The following SLC8A1 variants were observed in gnomAD, a reference collection of about 807,000 sequenced individuals.
SLC8A1 encodes sodium/calcium exchanger 1.
SLC8A1 carries 18 observed loss-of-function variants against 68.3 expected under a neutral mutation model. That is an observed-to-expected ratio of 0.26 (90% CI 0.18 to 0.39). The LOEUF (loss-of-function observed/expected upper bound fraction) is 0.39, where lower values mean the gene tolerates loss of function less well. SLC8A1 is among the 10% of genes least tolerant of loss of function. The pLI, the probability that SLC8A1 is intolerant of heterozygous loss-of-function variation, is 1.00. For synonymous variants in SLC8A1, 475 were observed against 415.5 expected (o/e 1.14, Z -1.74); for missense variants, 985 against 1,156.7 (o/e 0.85, Z 2.15).
intron 2 of SLC8A1, among the ~76,000 whole-genome samples, chr2:40,381,445 A>G (rs1332188267): frequency 1.3e-5 from 2 of 152,100 alleles, no homozygotes; most frequent in South Asian, 4.2e-4. Flanking sequence ...ACATCTCTCC[A>G]TGAGTTTATG....
At chr2:40,296,268 C>T (rs149011359) in intron 2 of SLC8A1, among the ~76,000 whole-genome samples, 156 of 152,202 alleles carry the variant, frequency 1.0e-3, no homozygotes, top group African/African-American at 3.7e-3. Context: ...TAGGAGACCC[C>T]AAGAGGGAAA....
At chr2:40,225,293 T>G (rs747535000) in intron 2 of SLC8A1, among the ~76,000 whole-genome samples, 1 of 152,156 alleles carries the variant, frequency 6.6e-6, no homozygotes, top group Non-Finnish European at 1.5e-5. Flanking sequence ...ATAGTGGAAA[T>G]GATAAAATGA....
intron 1 of SLC8A1, among the ~76,000 whole-genome samples, chr2:40,475,859 C>T (rs1704271570): frequency 6.6e-6 from 1 of 152,006 alleles, no homozygotes; most frequent in Admixed American, 6.6e-5. Flanking sequence ...CCTAGATTCT[C>T]CTATTTTCAG....
chr2:40,419,728 G>A (rs186580243), intron 2 of SLC8A1, among the ~76,000 whole-genome samples: 1 of 151,932 alleles, frequency 6.6e-6, no homozygotes, highest in Admixed American at 6.6e-5. Flanking sequence ...CTTTAATTGC[G>A]CCCTAAGAAT....
chr2:40,490,818 A>G (rs930716583), intron 1 of SLC8A1, among the ~76,000 whole-genome samples: 4 of 152,144 alleles, frequency 2.6e-5, no homozygotes, highest in Non-Finnish European at 2.9e-5. Flanking sequence ...TAATGACTGA[A>G]ATCCAGTTGG....
exon 8 of SLC8A1, chr2:40,107,719 C>T (rs1277179375): frequency 6.6e-6 from 1 of 152,114 alleles, no homozygotes; most frequent in African/African-American, 2.4e-5. Context: ...CTAGGACAAT[C>T]CTAGACATAC....
intron 1 of SLC8A1, among the ~76,000 whole-genome samples, chr2:40,508,701 C>T (rs764058821): frequency 1.4e-4 from 22 of 152,062 alleles, no homozygotes; most frequent in Admixed American, 1.3e-3. Flanking sequence ...AAGAATATGC[C>T]GTCGATAAAA....
At chr2:40,414,557 G>A (rs1361633610) in intron 2 of SLC8A1, among the ~76,000 whole-genome samples, 1 of 152,028 alleles carries the variant, frequency 6.6e-6, no homozygotes, top group Non-Finnish European at 1.5e-5. Flanking sequence ...ATTCTTCAAT[G>A]TTCTTGCCTT....
rs931229684 is a variant in SLC8A1 at position 40,154,817 on chromosome 2, A to G, written c.2161+5948T>C. On this transcript the variant is annotated intron_variant, in intron 6 of 7. Transcript: ENST00000406785. Reference sequence around the variant, plus strand: ...GTAGCTGAGACTACAGGCATGCACTATCACACCCGGCTAATTTTTTATTTT... The same window carrying G: ...GTAGCTGAGACTACAGGCATGCACTGTCACACCCGGCTAATTTTTTATTTT... Among the ~76,000 whole-genome samples the G allele has an allele frequency of 4.0e-5, 6 of 151,714 alleles. No individual in the cohort carries two copies. In the South Asian group the frequency reaches 8.3e-4, roughly 21 times the overall value.
At position 40,206,401 on chromosome 2, in the gene SLC8A1, T is replaced by C. The variant is rs374212984; in HGVS notation, c.1809-28546A>G. Among the ~76,000 whole-genome samples, 9 of 152,198 alleles carry C rather than the reference T, an allele frequency of 5.9e-5. No homozygotes were observed. In the South Asian group the frequency reaches 1.2e-3, roughly 21 times the overall value. ...AAAATCCTATTAACTCAAAGAGTGA[T>C]TGCATTATTCACTCCTTACTCATTT... On this transcript the variant is annotated intron_variant, in intron 2 of 7. Transcript: ENST00000406785.
At chr2:40,133,831 A>G (rs1353141328) in intron 7 of SLC8A1, among the ~76,000 whole-genome samples, 2 of 152,172 alleles carry the variant, frequency 1.3e-5, no homozygotes, top group African/African-American at 4.8e-5. Flanking sequence ...AATCTGGGAT[A>G]TAAGCTGGAA....
chr2:40,444,292 T>C (rs537245611), intron 1 of SLC8A1, among the ~76,000 whole-genome samples: 1 of 152,288 alleles, frequency 6.6e-6, no homozygotes, highest in South Asian at 2.1e-4. Flanking sequence ...TGAGCCATGA[T>C]CATGCCACTG....
Position 40,463,036 on chromosome 2 carries a change from G to A in SLC8A1, c.-24-32732C>T, listed in dbSNP as rs77625893. On this transcript the variant is annotated intron_variant, in intron 1 of 7. Transcript: ENST00000402441. ...TGAAAAAAAAAATGGGGCTTTCATC[G>A]TGGGGAAGAAAACTAACCAAATTAC... Among the ~76,000 whole-genome samples, 638 of 152,198 alleles carry A rather than the reference G, an allele frequency of 4.2e-3. 1 individual carries two copies. The highest frequency in any genetic ancestry group is 7.4e-3 in the Non-Finnish European group (504 of 68,002).
At chr2:40,161,687 A>T (rs935233297) in intron 5 of SLC8A1, among the ~76,000 whole-genome samples, 1 of 152,232 alleles carries the variant, frequency 6.6e-6, no homozygotes, top group African/African-American at 2.4e-5. Flanking sequence ...AAGCAGATGG[A>T]CTGAAAGCAC....
chr2:40,418,156 CA>C (rs1559599843), intron 2 of SLC8A1, among the ~76,000 whole-genome samples: 1 of 152,106 alleles, frequency 6.6e-6, no homozygotes, highest in African/African-American at 2.4e-5. Context: ...ATAACAACCG[CA>C]AGATAGTTTA....
At chr2:40,176,562 C>T (rs140036680) in intron 3 of SLC8A1, among the ~76,000 whole-genome samples, 23 of 152,218 alleles carry the variant, frequency 1.5e-4, no homozygotes, top group African/African-American at 5.3e-4. Context: ...CTCCTTTTCC[C>T]ATCACTCCAA....
chr2:40,175,460 C>T (rs543568677), intron 3 of SLC8A1, among the ~76,000 whole-genome samples, 179 bp from the exon 4 acceptor site: 1 of 151,994 alleles, frequency 6.6e-6, no homozygotes, highest in African/African-American at 2.4e-5. Flanking sequence ...AATAAACAAT[C>T]CCAACTGAAA....
chr2:40,159,221 A>C lies in SLC8A1; in HGVS notation c.2161+1544T>G, dbSNP rs146657024. On this transcript the variant is annotated intron_variant, in intron 6 of 7. Coordinates refer to ENST00000406785, the Ensembl canonical transcript of SLC8A1. ...AAACTTATCATCATAAATATACTTT[A>C]CTTTAATGTATCTGTCTGATTTACT... Among the ~76,000 whole-genome samples, 172 of 152,316 alleles carry C rather than the reference A, an allele frequency of 1.1e-3. 1 individual carries two copies. The highest frequency in any genetic ancestry group is 4.0e-3 in the African/African-American group (166 of 41,564).
intron 2 of SLC8A1, among the ~76,000 whole-genome samples, chr2:40,241,824 A>G (rs1309234102): frequency 6.6e-6 from 1 of 152,174 alleles, no homozygotes; most frequent in African/African-American, 2.4e-5. Flanking sequence ...AGCATTGCCT[A>G]TTTGTTCCAA....
Sources: gnomAD v4.1 joint callset for allele counts (sites outside exome capture counted in the v4.1 genomes callset) on GRCh38, gnomAD v4.1.1 for gene constraint, MANE v1.5 for transcripts, NCBI Gene and HGNC (gene_info 2026-07-23, HGNC 2026-07-21) for gene names.